ST3GAL5: variants seen among roughly 807,000 people sequenced by gnomAD.
ST3GAL5 encodes the protein ST3 beta-galactoside alpha-2,3-sialyltransferase 5, also known as lactosylceramide alpha-2,3-sialyltransferase.
A neutral mutation model predicts 46.1 loss-of-function variants in ST3GAL5; 25 were observed. The observed-to-expected ratio is 0.54, with a 90% CI of 0.40 to 0.76. ST3GAL5 has a LOEUF of 0.76. ST3GAL5 is among the 30% of genes least tolerant of loss of function. The pLI is 0.00. For synonymous variants in ST3GAL5, 182 were observed against 192.7 expected (o/e 0.94, Z 0.46); for missense variants, 431 against 521.2 (o/e 0.83, Z 1.69).
intron 6 of ST3GAL5, among the ~76,000 whole-genome samples, chr2:85,842,442 T>C (rs1373503772): frequency 6.6e-6 from 1 of 152,206 alleles, no homozygotes; most frequent in African/African-American, 2.4e-5. Context: ...CTCTATAGCA[T>C]GCCCTTTGAG....
Position 85,853,176 on chromosome 2 carries a change from C to T in ST3GAL5, c.319-4972G>A, listed in dbSNP as rs955338847. ...ACCGAAACTGACATCAACGTGCCCT[C>T]GTCTCTCTTAAAACATCTTTTGAGT... is the stretch of plus-strand genomic sequence containing the variant. On this transcript the variant is annotated intron_variant, in intron 3 of 6. Transcript: ENST00000638572. 17 of 927,434 alleles carry T rather than the reference C, an allele frequency of 1.8e-5. No individual in the cohort carries two copies. The East Asian group carries it at 4.4e-4, about 24-fold the overall frequency. The allele number at this position is 927,434 out of a possible 1,614,324, so 57.5% of individuals were successfully genotyped here.
intron 3 of ST3GAL5, chr2:85,851,786 C>G (rs1018125862): frequency 1.7e-5 from 21 of 1,209,084 alleles, no homozygotes; most frequent in Non-Finnish European, 2.1e-5. Context: ...TCAGCTGGGG[C>G]CTGGGTGGCA....
chr2:85,855,183 T>TG (rs1424628336), intron 3 of ST3GAL5: 2 of 152,200 alleles, frequency 1.3e-5, no homozygotes, highest in Non-Finnish European at 2.9e-5. Context: ...GACTGAATCA[T>TG]GGGGGCAGGT....
chr2:85,860,393 A>T (rs1430907049), intron 3 of ST3GAL5, among the ~76,000 whole-genome samples: 3 of 152,170 alleles, frequency 2.0e-5, no homozygotes, highest in African/African-American at 7.2e-5. Context: ...CTTTATTTAA[A>T]ATCATCTCTT....
chr2:85,881,470 C>T (rs1346041043), intron 1 of ST3GAL5, among the ~76,000 whole-genome samples: 1 of 152,192 alleles, frequency 6.6e-6, no homozygotes, highest in East Asian at 1.9e-4. Context: ...TGTTGAATGA[C>T]TTTGCCCAAA....
intron 1 of ST3GAL5, among the ~76,000 whole-genome samples, chr2:85,877,217 A>G (rs1054909969): frequency 2.0e-5 from 3 of 152,228 alleles, no homozygotes; most frequent in Non-Finnish European, 4.4e-5. Flanking sequence ...CTGTTACCTA[A>G]ATACCTTATA....
intron 2 of ST3GAL5, 83 bp downstream of exon 2, chr2:85,863,279 G>C (rs1684918012): frequency 6.2e-7 from 1 of 1,608,756 alleles, no homozygotes; most frequent in South Asian, 1.1e-5. Flanking sequence ...TAGCCATCTT[G>C]AGGGCTCTCA....
At chr2:85,888,191 C>T (rs13024999) in intron 1 of ST3GAL5, 54,204 of 152,034 alleles carry the variant, frequency 0.36, 10,233 homozygotes, top group Admixed American at 0.48. Context: ...GGGCAGGGCT[C>T]CTCGGGGATG....
chr2:85,869,324 C>T (rs981986364), intron 1 of ST3GAL5, among the ~76,000 whole-genome samples: 5 of 151,874 alleles, frequency 3.3e-5, no homozygotes, highest in African/African-American at 9.7e-5. Flanking sequence ...GGGTTAAGGG[C>T]GTGAGCCACC....
intron 1 of ST3GAL5, among the ~76,000 whole-genome samples, chr2:85,877,373 G>A (rs946602617): frequency 3.9e-5 from 6 of 152,144 alleles, no homozygotes; most frequent in Non-Finnish European, 7.4e-5. Context: ...ATCTGAAACC[G>A]TTCCTTTATC....
chr2:85,849,003 G>A (rs1275146505), intron 3 of ST3GAL5: 1 of 152,412 alleles, frequency 6.6e-6, no homozygotes, highest in Non-Finnish European at 1.5e-5. Flanking sequence ...AATTGCATTG[G>A]TTTCAAAGCA....
At position 85,867,509 on chromosome 2, in the gene ST3GAL5, C is replaced by G; in HGVS notation, c.83-4024G>C. The G allele has an allele frequency of 1.4e-5, 11 of 769,972 alleles. No homozygotes were observed. The South Asian group carries it at 1.5e-4, about 11-fold the overall frequency. The allele number at this position is 769,972 out of a possible 1,614,324, so 47.7% of individuals were successfully genotyped here. A position where few individuals can be genotyped will look rare whatever the true frequency, so the allele number is the denominator to read the frequency against. ...GATATATCTATTAAAGGTATGTGCT[C>G]TGTGGTGGGCAGGCATATGCAAACC... On this transcript the variant is annotated intron_variant, in intron 1 of 6. Transcript: ENST00000638572.
chr2:85,851,704 C>A, intron 3 of ST3GAL5: 1 of 1,289,404 alleles, frequency 7.8e-7, no homozygotes, highest in Non-Finnish European at 1.0e-6. Context: ...CCTTCAGGAG[C>A]TGCAATGAAG....
rs1382027704 is a variant in ST3GAL5 at position 85,874,740 on chromosome 2, G to C, written c.83-11255C>G. On this transcript the variant is annotated intron_variant, in intron 1 of 6. Transcript: ENST00000638572. ...CCTAAAAAGTACCTCGCATATAAAA[G>C]GCATTTAACAAGCACCTGCAGAGTG... 5.3e-5 allele frequency among the ~76,000 whole-genome samples: 8 copies of C among 151,516 alleles called. No homozygotes were observed. In the Admixed American group the frequency reaches 5.3e-4, roughly 10 times the overall value.
Position 85,844,253 on chromosome 2 carries a change from T to C in ST3GAL5, c.1008+143A>G, listed in dbSNP as rs2103933917. ...AGGAGCCCTGCAGCCAAGTGCAGAG[T>C]GGTAAACACACATGGAGCATCTAAT... On this transcript the variant is annotated intron_variant, in intron 6 of 6. Transcript: ENST00000638572. 1.2e-5 allele frequency: 12 copies of C among 1,015,632 alleles called. No individual in the cohort carries two copies. In the East Asian group the frequency reaches 3.1e-4, roughly 26 times the overall value. 62.9% of individuals were successfully genotyped at this position (1,015,632 alleles called of 1,614,324 possible). A position where few individuals can be genotyped will look rare whatever the true frequency, so the allele number is the denominator to read the frequency against.
chr2:85,843,216 A>G (rs893093548), intron 6 of ST3GAL5, among the ~76,000 whole-genome samples: 1 of 152,200 alleles, frequency 6.6e-6, no homozygotes, highest in Admixed American at 6.5e-5. Flanking sequence ...TCTGCTGTTA[A>G]TGCTATAGTG....
At chr2:85,877,600 C>T (rs1686722300) in intron 1 of ST3GAL5, among the ~76,000 whole-genome samples, 1 of 152,232 alleles carries the variant, frequency 6.6e-6, no homozygotes, top group South Asian at 2.1e-4. Context: ...CAGGTTCTTC[C>T]ACTGTCGAGT....
intron 3 of ST3GAL5, chr2:85,852,917 A>T: frequency 7.7e-7 from 1 of 1,304,066 alleles, no homozygotes; most frequent in Non-Finnish European, 1.0e-6. Context: ...GAGAGAAAAG[A>T]CTCGGTTTGA....
chr2:85,862,437 T>C (rs1386495476), intron 2 of ST3GAL5, among the ~76,000 whole-genome samples: 1 of 152,168 alleles, frequency 6.6e-6, no homozygotes, highest in Non-Finnish European at 1.5e-5. Context: ...ATATTACCTA[T>C]TCTTCTCTTC....
Sources: gnomAD v4.1 joint callset for allele counts (sites outside exome capture counted in the v4.1 genomes callset) on GRCh38, gnomAD v4.1.1 for gene constraint, MANE v1.5 for transcripts, NCBI Gene and HGNC (gene_info 2026-07-23, HGNC 2026-07-21) for gene names.